RORA: variants seen among roughly 807,000 people sequenced by gnomAD.
RORA encodes RAR related orphan receptor A, also known as nuclear receptor ROR-alpha.
RORA carries 7 observed loss-of-function variants against 69.5 expected under a neutral mutation model. The ratio of observed to expected loss-of-function variants is 0.10; its 90% CI spans 0.06 to 0.19. RORA has a LOEUF of 0.19. RORA is among the 10% of genes least tolerant of loss of function. The pLI is 1.00. For missense variants in RORA, 457 were observed against 663.0 expected (o/e 0.69, Z 3.41); for synonymous variants, 261 against 240.8 (o/e 1.08, Z -0.78).
chr15:60,626,207 C>T (rs1237966524), intron 2 of RORA, among the ~76,000 whole-genome samples: 1 of 152,176 alleles, frequency 6.6e-6, no homozygotes, highest in Non-Finnish European at 1.5e-5. Flanking sequence ...AACCAGGAAG[C>T]CCACAAGCTG....
At chr15:60,962,075 G>A (rs1466665799) in intron 1 of RORA, among the ~76,000 whole-genome samples, 1 of 152,218 alleles carries the variant, frequency 6.6e-6, no homozygotes, top group Non-Finnish European at 1.5e-5. Context: ...AGGCGAGAGA[G>A]TGAGAGTGAG....
chr15:61,177,553 C>T (rs973738748), intron 1 of RORA, among the ~76,000 whole-genome samples: 2 of 152,018 alleles, frequency 1.3e-5, no homozygotes, highest in Non-Finnish European at 2.9e-5. Context: ...CATAACTGTT[C>T]GTGCGTTTTA....
chr15:60,797,661 G>C (rs117171714), intron 1 of RORA, among the ~76,000 whole-genome samples: 3 of 152,040 alleles, frequency 2.0e-5, no homozygotes, highest in Admixed American at 6.6e-5. Flanking sequence ...AACTCCTTAC[G>C]GGCCCAGCCA....
At chr15:61,158,437 C>T (rs2079464694) in intron 1 of RORA, among the ~76,000 whole-genome samples, 1 of 152,186 alleles carries the variant, frequency 6.6e-6, no homozygotes, top group Non-Finnish European at 1.5e-5. Flanking sequence ...ATTCCTCCTC[C>T]AAGCTGGCTA....
chr15:60,943,603 C>A (rs970760892), intron 1 of RORA, among the ~76,000 whole-genome samples: 7 of 152,004 alleles, frequency 4.6e-5, no homozygotes, highest in African/African-American at 1.4e-4. Flanking sequence ...TTAACCTCAG[C>A]CAGCTATTTC....
chr15:61,223,559 A>C (rs188143737), intron 1 of RORA, among the ~76,000 whole-genome samples: 16 of 152,334 alleles, frequency 1.1e-4, no homozygotes, highest in African/African-American at 3.8e-4. Context: ...AGTGGGGATC[A>C]AGATAGATTT....
At chr15:60,745,967 C>T (rs937248053) in intron 1 of RORA, among the ~76,000 whole-genome samples, 1 of 152,138 alleles carries the variant, frequency 6.6e-6, no homozygotes, top group Non-Finnish European at 1.5e-5. Flanking sequence ...GTCTACTACC[C>T]CTCAATTGCA....
chr15:60,663,795 A>T (rs2070340608), intron 2 of RORA, among the ~76,000 whole-genome samples: 1 of 152,246 alleles, frequency 6.6e-6, no homozygotes, highest in Admixed American at 6.5e-5. Context: ...GCTATTGAAA[A>T]TAATAGAAGA....
chr15:60,556,570 C>G (rs1490612272), intron 2 of RORA, among the ~76,000 whole-genome samples: 1 of 152,156 alleles, frequency 6.6e-6, no homozygotes, highest in Non-Finnish European at 1.5e-5. Context: ...TCTTAGTTCT[C>G]GTGTTCACTC....
intron 1 of RORA, among the ~76,000 whole-genome samples, chr15:60,894,013 C>T (rs531677258): frequency 2.2e-4 from 33 of 152,246 alleles, no homozygotes; most frequent in African/African-American, 7.7e-4. Context: ...CCATTTTGAT[C>T]GCTAAAGTGC....
intron 1 of RORA, among the ~76,000 whole-genome samples, chr15:60,783,653 T>A (rs1222101841): frequency 1.3e-5 from 2 of 152,098 alleles, no homozygotes; most frequent in South Asian, 4.1e-4. Flanking sequence ...GGCCTTTGAG[T>A]CTCACCTTTG....
chr15:60,862,265 C>T (rs772652421), intron 1 of RORA, among the ~76,000 whole-genome samples: 1 of 152,210 alleles, frequency 6.6e-6, no homozygotes, highest in Non-Finnish European at 1.5e-5. Context: ...TACCCTCTTG[C>T]CTGCAAAGGT....
At chr15:60,561,207 G>C (rs371791511) in intron 2 of RORA, among the ~76,000 whole-genome samples, 1 of 151,120 alleles carries the variant, frequency 6.6e-6, no homozygotes, top group Admixed American at 6.6e-5. Flanking sequence ...TCAGCCTCCC[G>C]AGTAGCTGGG....
intron 2 of RORA, among the ~76,000 whole-genome samples, chr15:60,624,891 C>T (rs967540412): frequency 6.6e-6 from 1 of 152,022 alleles, no homozygotes. Context: ...AGTATCATTC[C>T]CCTCAGTATT....
At chr15:60,742,637 C>T (rs1376142211) in intron 1 of RORA, among the ~76,000 whole-genome samples, 2 of 152,164 alleles carry the variant, frequency 1.3e-5, no homozygotes, top group Non-Finnish European at 2.9e-5. Flanking sequence ...TCCTTGATCC[C>T]CCCAAGCCTC....
chr15:60,636,586 T>A (rs2069844285), intron 2 of RORA, among the ~76,000 whole-genome samples: 1 of 152,200 alleles, frequency 6.6e-6, no homozygotes, highest in South Asian at 2.1e-4. Flanking sequence ...AGGAAAAGGA[T>A]GCCTACCATT....
chr15:60,490,474 A>G lies in RORA; in HGVS notation c.*6981T>C, dbSNP rs2065024360. 6.6e-6 allele frequency: 1 copy of G among 152,172 alleles called. No homozygotes were observed. The highest frequency in any genetic ancestry group is 2.4e-5 in the African/African-American group (1 of 41,458). The allele number at this position is 152,172 out of a possible 1,614,324, so 9.4% of individuals were successfully genotyped here. ...TATACAGAATGAAAGCCAAAAAGTT[A>G]ACTGTATAGAGATGTGCAGAACAAC... On this transcript the variant is annotated 3_prime_UTR_variant, in exon 11 of 11. Coordinates refer to ENST00000335670, the MANE Select transcript of RORA (RefSeq NM_134261.3). The surrounding 1 kb of genome is among the most constrained non-coding windows in gnomAD (Gnocchi z 4.1).
chr15:60,616,472 G>A (rs2069247194), intron 2 of RORA, among the ~76,000 whole-genome samples: 1 of 152,132 alleles, frequency 6.6e-6, no homozygotes, highest in Non-Finnish European at 1.5e-5. Context: ...TGTTTTACTG[G>A]TATCTGTTGT....
chr15:60,709,936 G>A (rs1282026161), intron 1 of RORA, among the ~76,000 whole-genome samples: 1 of 152,070 alleles, frequency 6.6e-6, no homozygotes, highest in Non-Finnish European at 1.5e-5. Context: ...AGACCACCCT[G>A]CCTCTGTATG....
Sources: allele counts gnomAD v4.1 joint callset (sites outside exome capture counted in the v4.1 genomes callset), GRCh38; gene constraint gnomAD v4.1.1; non-coding constraint Gnocchi (gnomAD v3.1); transcripts MANE v1.5; gene names NCBI Gene and HGNC (gene_info 2026-07-23, HGNC 2026-07-21).